Variants in CACNA1C observed in about 807,000 individuals in gnomAD.
CACNA1C encodes the protein voltage-dependent L-type calcium channel subunit alpha-1C.
In CACNA1C, 30 loss-of-function variants were observed where a neutral mutation model predicts 229.0. That is an observed-to-expected ratio of 0.13 (90% CI 0.10 to 0.18). The LOEUF (loss-of-function observed/expected upper bound fraction) is 0.18. CACNA1C is among the 10% of genes least tolerant of loss of function. CACNA1C has a pLI of 1.00. For missense variants in CACNA1C, 1,658 were observed against 2,845.0 expected (o/e 0.58, Z 9.49); for synonymous variants, 1,114 against 1,132.5 (o/e 0.98, Z 0.33).
At chr12:2,351,740 A>C (rs186231375) in intron 3 of CACNA1C, among the ~76,000 whole-genome samples, 2 of 152,296 alleles carry the variant, frequency 1.3e-5, no homozygotes, top group East Asian at 3.9e-4. Context: ...GTCCTGGCTT[A>C]GGGTCATGAG....
chr12:2,257,982 CT>C (rs1352285216), intron 3 of CACNA1C, among the ~76,000 whole-genome samples: 1 of 152,226 alleles, frequency 6.6e-6, no homozygotes, highest in Non-Finnish European at 1.5e-5. Context: ...CTCAATCTGC[CT>C]TCAGCACGTG....
chr12:2,029,095 G>T lies in CACNA1C; in HGVS notation c.139+57894G>T, dbSNP rs2047794918. ...CATGTCTTATGTTACAAGTACCTGA[G>T]TGAGAACTGAGGCCCCATGAGTGGA... On this transcript the variant is annotated intron_variant, in intron 1 of 46. Transcript: ENST00000682462. This position sits in a 1 kb window ranked among gnomAD's most constrained non-coding sequence, Gnocchi z 4.9. Among the ~76,000 whole-genome samples the T allele has an allele frequency of 6.6e-6, 1 of 152,154 alleles. No homozygotes were observed. Among genetic ancestry groups the T allele is most frequent in the Non-Finnish European group, 1.5e-5 (1 of 68,032 alleles).
intron 3 of CACNA1C, among the ~76,000 whole-genome samples, chr12:2,427,036 G>A (rs1014415646): frequency 2.0e-5 from 3 of 152,184 alleles, no homozygotes; most frequent in Admixed American, 6.5e-5. Flanking sequence ...GCAAAATATC[G>A]TGGCCATTTT....
intron 3 of CACNA1C, among the ~76,000 whole-genome samples, chr12:2,190,606 A>G (rs533201810): frequency 6.6e-6 from 1 of 152,160 alleles, no homozygotes; most frequent in Non-Finnish European, 1.5e-5. Context: ...TTCCTCAAGG[A>G]GGTCAATCCA....
At chr12:2,596,702 T>C (rs1158607184) in intron 20 of CACNA1C, among the ~76,000 whole-genome samples, 2 of 152,078 alleles carry the variant, frequency 1.3e-5, no homozygotes, top group African/African-American at 4.8e-5. Context: ...GAGCCGGTCC[T>C]CAGCCTGTGC....
intron 3 of CACNA1C, among the ~76,000 whole-genome samples, chr12:2,324,915 A>G (rs759547790): frequency 2.5e-4 from 38 of 152,176 alleles, no homozygotes; most frequent in Non-Finnish European, 7.4e-5. Context: ...TCTGTAAGCT[A>G]TTTAGTCGTT....
At chr12:2,192,058 A>T (rs1283297596) in intron 3 of CACNA1C, among the ~76,000 whole-genome samples, 1 of 151,696 alleles carries the variant, frequency 6.6e-6, no homozygotes, top group African/African-American at 2.4e-5. Flanking sequence ...ACACATACAC[A>T]CTCAGGCACA....
intron 6 of CACNA1C, among the ~76,000 whole-genome samples, chr12:2,490,969 C>G (rs2099723960): frequency 6.6e-6 from 1 of 152,138 alleles, no homozygotes; most frequent in Non-Finnish European, 1.5e-5. Context: ...TTCATAATAG[C>G]CCAAACCTGG....
At chr12:2,579,036 G>GC (rs541149645) in intron 13 of CACNA1C, among the ~76,000 whole-genome samples, 18 of 151,992 alleles carry the variant, frequency 1.2e-4, no homozygotes, top group African/African-American at 4.3e-4. Flanking sequence ...GGTCAGGAGG[G>GC]CCCCCCCACC....
intron 8 of CACNA1C, among the ~76,000 whole-genome samples, chr12:2,509,700 G>A (rs1390911700): frequency 6.6e-6 from 1 of 152,076 alleles, no homozygotes; most frequent in African/African-American, 2.4e-5. Context: ...ATTTTAAACA[G>A]CAAAATCACC....
intron 1 of CACNA1C, among the ~76,000 whole-genome samples, chr12:2,044,482 G>T (rs778002545): frequency 1.3e-5 from 2 of 152,118 alleles, no homozygotes; most frequent in Admixed American, 6.6e-5. Context: ...TAACTTCCCC[G>T]CCCCCAGGTA....
chr12:2,564,457 C>G (rs983745178), intron 11 of CACNA1C, among the ~76,000 whole-genome samples: 1 of 152,276 alleles, frequency 6.6e-6, no homozygotes, highest in Admixed American at 6.5e-5. Context: ...CACCAGGATT[C>G]TACTTTGTTT....
intron 1 of CACNA1C, among the ~76,000 whole-genome samples, chr12:1,996,949 GT>G (rs1249133343): frequency 6.6e-6 from 1 of 152,056 alleles, no homozygotes; most frequent in African/African-American, 2.4e-5. Context: ...TTTATATTAG[GT>G]CTTTTAATTT....
intron 1 of CACNA1C, among the ~76,000 whole-genome samples, chr12:2,025,437 G>A (rs1023029289): frequency 6.6e-6 from 1 of 152,032 alleles, no homozygotes; most frequent in African/African-American, 2.4e-5. Context: ...ACCTTTTCCC[G>A]TTCCAGCTCT....
At chr12:2,414,284 A>C (rs1595649833) in intron 3 of CACNA1C, among the ~76,000 whole-genome samples, 1 of 152,258 alleles carries the variant, frequency 6.6e-6, no homozygotes, top group Admixed American at 6.5e-5. Context: ...CATCATTTTC[A>C]ATATTTCTTT....
At chr12:2,617,729 C>T (rs1215334925) in intron 29 of CACNA1C, among the ~76,000 whole-genome samples, 1 of 152,196 alleles carries the variant, frequency 6.6e-6, no homozygotes, top group Non-Finnish European at 1.5e-5. Context: ...GGGTCATCAC[C>T]AGCTGCCTTG....
intron 3 of CACNA1C, among the ~76,000 whole-genome samples, chr12:2,400,052 G>A (rs939095774): frequency 6.6e-6 from 1 of 152,178 alleles, no homozygotes; most frequent in Admixed American, 6.5e-5. Context: ...GAAAGCAAGG[G>A]GGGTGTATTC....
intron 3 of CACNA1C, among the ~76,000 whole-genome samples, chr12:2,308,187 G>A (rs111545281): frequency 5.9e-5 from 9 of 152,312 alleles, no homozygotes; most frequent in African/African-American, 2.2e-4. Context: ...AGAGAAAGAA[G>A]CAAGGCATCT....
At chr12:2,068,338 C>G (rs2060124897) in intron 1 of CACNA1C, among the ~76,000 whole-genome samples, 2 of 152,148 alleles carry the variant, frequency 1.3e-5, no homozygotes, top group Non-Finnish European at 2.9e-5. Context: ...TGGGAGGGGT[C>G]TGGTGTGGGG....
Sources: allele counts gnomAD v4.1 joint callset (sites outside exome capture counted in the v4.1 genomes callset), GRCh38; gene constraint gnomAD v4.1.1; non-coding constraint Gnocchi (gnomAD v3.1); transcripts MANE v1.5; gene names NCBI Gene and HGNC (gene_info 2026-07-23, HGNC 2026-07-21).